Variants in FAM227B observed in about 807,000 individuals in gnomAD.
FAM227B encodes family with sequence similarity 227 member B.
FAM227B carries 88 observed loss-of-function variants against 73.8 expected under a neutral mutation model. The ratio of observed to expected loss-of-function variants is 1.19; its 90% CI spans 1.00 to 1.42. The LOEUF (loss-of-function observed/expected upper bound fraction) is 1.42. Ranked by LOEUF, FAM227B falls within the 40% of genes most tolerant of loss-of-function variation. FAM227B has a pLI of 0.00. For synonymous variants in FAM227B, 210 were observed against 190.5 expected (o/e 1.10, Z -0.84); for missense variants, 632 against 590.9 (o/e 1.07, Z -0.72).
At chr15:49,476,101 C>G (rs1567351197) in intron 11 of FAM227B, among the ~76,000 whole-genome samples, 1 of 152,070 alleles carries the variant, frequency 6.6e-6, no homozygotes, top group Non-Finnish European at 1.5e-5. Context: ...TCTTTTCTAC[C>G]TATGTCAACT....
chr15:49,551,466 C>T (rs1467592154), intron 9 of FAM227B, among the ~76,000 whole-genome samples: 1 of 152,062 alleles, frequency 6.6e-6, no homozygotes, highest in Non-Finnish European at 1.5e-5. Context: ...TTCTTCATAT[C>T]TTTATTTTCA....
chr15:49,538,667 T>A (rs573252964), intron 10 of FAM227B, among the ~76,000 whole-genome samples: 4 of 152,208 alleles, frequency 2.6e-5, no homozygotes, highest in African/African-American at 9.6e-5. Context: ...TTTGCTCCTC[T>A]GACTGGATAC....
rs986143873 is a variant in FAM227B, at chr15:49,534,761, A to G, written c.874+6919T>C. On this transcript the variant is annotated intron_variant, in intron 10 of 15. Transcript: ENST00000299338. ...GAAATCATATCTAGTATTGCTTTCA[A>G]CCACAATGGCCAGAAACTACAAGTT... 5.3e-5 allele frequency among the ~76,000 whole-genome samples: 8 copies of G among 151,840 alleles called. 1 individual carries two copies. Among genetic ancestry groups the G allele is most frequent in the Non-Finnish European group, 8.8e-5 (6 of 67,834 alleles).
intron 11 of FAM227B, among the ~76,000 whole-genome samples, chr15:49,479,409 C>T (rs1439241564): frequency 1.3e-5 from 2 of 152,064 alleles, no homozygotes; most frequent in Non-Finnish European, 2.9e-5. Context: ...TGGAAATCCA[C>T]AAAGAAAGAC....
intron 10 of FAM227B, among the ~76,000 whole-genome samples, chr15:49,521,750 T>A (rs889182541): frequency 6.6e-6 from 1 of 152,084 alleles, no homozygotes; most frequent in East Asian, 1.9e-4. Context: ...GGTCTCCAGA[T>A]AAAGAACAGA....
At chr15:49,605,052 C>T (rs1266005092) in intron 3 of FAM227B, among the ~76,000 whole-genome samples, 2 of 149,744 alleles carry the variant, frequency 1.3e-5, no homozygotes, top group Non-Finnish European at 3.0e-5. Context: ...TTTTAGGTAA[C>T]TGATGCTTCT....
intron 12 of FAM227B, among the ~76,000 whole-genome samples, chr15:49,370,334 T>C (rs1468613137): frequency 6.6e-6 from 1 of 152,234 alleles, no homozygotes; most frequent in Non-Finnish European, 1.5e-5. Flanking sequence ...CTAAACAAAG[T>C]ACGAGAGACC....
At chr15:49,409,661 G>A (rs1361066977) in intron 11 of FAM227B, among the ~76,000 whole-genome samples, 3 of 151,784 alleles carry the variant, frequency 2.0e-5, no homozygotes, top group Non-Finnish European at 4.4e-5. Flanking sequence ...TTTTCTTCCT[G>A]GACAAAACTA....
At chr15:49,480,988 T>C (rs1174868896) in intron 11 of FAM227B, among the ~76,000 whole-genome samples, 1 of 152,208 alleles carries the variant, frequency 6.6e-6, no homozygotes, top group Non-Finnish European at 1.5e-5. Context: ...CAGCAAACAT[T>C]ACAGATTCCA....
intron 11 of FAM227B, among the ~76,000 whole-genome samples, chr15:49,498,938 G>A (rs1039022720): frequency 2.6e-5 from 4 of 151,692 alleles, no homozygotes; most frequent in East Asian, 1.9e-4. Flanking sequence ...AGGCCGAGGC[G>A]GGCGGATCAC....
chr15:49,578,229 T>C (rs12594926), intron 5 of FAM227B, among the ~76,000 whole-genome samples: 28,467 of 152,132 alleles, frequency 0.19, 3,123 homozygotes, highest in East Asian at 0.36. Context: ...AAAGATGTTT[T>C]CTCAGAAGAG....
chr15:49,362,076 C>T (rs1205507985), intron 13 of FAM227B, among the ~76,000 whole-genome samples: 1 of 151,936 alleles, frequency 6.6e-6, no homozygotes, highest in Non-Finnish European at 1.5e-5. Flanking sequence ...GTCTTTTGCC[C>T]ACTTCTTAAT....
chr15:49,516,940 T>A (rs1353339623), intron 10 of FAM227B, among the ~76,000 whole-genome samples: 1 of 152,110 alleles, frequency 6.6e-6, no homozygotes, highest in Non-Finnish European at 1.5e-5. Context: ...ATCAGACACT[T>A]ATGACTCTGA....
At chr15:49,454,543 C>T (rs1317990110) in intron 11 of FAM227B, among the ~76,000 whole-genome samples, 3 of 152,196 alleles carry the variant, frequency 2.0e-5, no homozygotes, top group Non-Finnish European at 4.4e-5. Flanking sequence ...CTTATCTGTA[C>T]TTTAAGACTA....
At chr15:49,480,312 T>G (rs1437580996) in intron 11 of FAM227B, among the ~76,000 whole-genome samples, 1 of 152,020 alleles carries the variant, frequency 6.6e-6, no homozygotes, top group Non-Finnish European at 1.5e-5. Flanking sequence ...TTTATTTATT[T>G]ATTTATCTAT....
intron 11 of FAM227B, among the ~76,000 whole-genome samples, chr15:49,402,460 T>C (rs148749093): frequency 6.6e-6 from 1 of 152,230 alleles, no homozygotes; most frequent in Admixed American, 6.5e-5. Context: ...CTTTAAGCAG[T>C]CTTTTGTAGT....
chr15:49,617,339 TA>T (rs1309827527), intron 1 of FAM227B, among the ~76,000 whole-genome samples: 1 of 152,148 alleles, frequency 6.6e-6, no homozygotes, highest in Non-Finnish European at 1.5e-5. Flanking sequence ...TAGAGAGCTA[TA>T]ATAAGATAAT....
intron 11 of FAM227B, among the ~76,000 whole-genome samples, chr15:49,379,552 T>C (rs980769931): frequency 6.6e-5 from 10 of 152,248 alleles, no homozygotes; most frequent in African/African-American, 2.4e-4. Flanking sequence ...GATTTTCCAA[T>C]GTATTGCCAT....
intron 3 of FAM227B, among the ~76,000 whole-genome samples, chr15:49,608,445 G>A (rs940445632): frequency 6.6e-6 from 1 of 152,028 alleles, no homozygotes; most frequent in Non-Finnish European, 1.5e-5. Flanking sequence ...ATATGGGTAA[G>A]TCTTCACCCA....
Sources: allele counts gnomAD v4.1 joint callset (sites outside exome capture counted in the v4.1 genomes callset), GRCh38; gene constraint gnomAD v4.1.1; transcripts MANE v1.5; gene names NCBI Gene and HGNC (gene_info 2026-07-23, HGNC 2026-07-21).